Variants in EPB41L3 observed in about 807,000 individuals in gnomAD.
EPB41L3 encodes the protein band 4.1-like protein 3.
Under a neutral mutation model 127.1 loss-of-function variants are expected in EPB41L3, and 57 were observed. The ratio of observed to expected loss-of-function variants is 0.45; its 90% confidence interval spans 0.36 to 0.56. The LOEUF (loss-of-function observed/expected upper bound fraction) is 0.56, where lower values mean the gene tolerates loss of function less well. EPB41L3 is among the 20% of genes least tolerant of loss of function. EPB41L3 has a pLI of 0.00. For missense variants in EPB41L3, 1,273 were observed against 1,372.2 expected (o/e 0.93, Z 1.14); for synonymous variants, 572 against 549.5 (o/e 1.04, Z -0.57).
chr18:5,401,107 A>G, intron 16 of EPB41L3: 1 of 911,260 alleles, frequency 1.1e-6, no homozygotes, highest in Non-Finnish European at 1.7e-6. Context: ...AAGGCAAGTT[A>G]GGAAGGGAGT....
At chr18:5,550,382 C>T (rs946429988) in intron 3 of EPB41L3, among the ~76,000 whole-genome samples, 2 of 152,112 alleles carry the variant, frequency 1.3e-5, no homozygotes, top group Non-Finnish European at 2.9e-5. Context: ...TATCATTTAT[C>T]GTTTTAAATT....
At chr18:5,482,765 A>T (rs905139950) in intron 2 of EPB41L3, among the ~76,000 whole-genome samples, 1 of 152,172 alleles carries the variant, frequency 6.6e-6, no homozygotes, top group Non-Finnish European at 1.5e-5. Flanking sequence ...CAAAATTATC[A>T]TTCAAATATA....
intron 1 of EPB41L3, among the ~76,000 whole-genome samples, chr18:5,511,391 GTTTTTTTTTTTT>G (rs1190047630): frequency 8.7e-4 from 52 of 59,798 alleles, no homozygotes; most frequent in Admixed American, 2.1e-3. Context: ...AGGTATTTTG[GTTTTTTTTTTTT>G]TTTTTTTTTT....
At chr18:5,603,795 G>A (rs2094616034) in intron 3 of EPB41L3, among the ~76,000 whole-genome samples, 1 of 152,062 alleles carries the variant, frequency 6.6e-6, no homozygotes, top group Admixed American at 6.6e-5. Context: ...GTGGGAGGCT[G>A]AGGCTGCAGT....
chr18:5,556,105 T>C (rs1225494654), intron 3 of EPB41L3, among the ~76,000 whole-genome samples: 2 of 152,180 alleles, frequency 1.3e-5, no homozygotes, highest in Admixed American at 1.3e-4. Flanking sequence ...GCCTGGCATG[T>C]AAGAGACGCT....
At chr18:5,586,217 T>A in intron 3 of EPB41L3, among the ~76,000 whole-genome samples, 1 of 152,150 alleles carries the variant, frequency 6.6e-6, no homozygotes, top group East Asian at 1.9e-4. Context: ...CTTCAATAAT[T>A]CAGTTACAGC....
At chr18:5,419,362 C>T (rs1265976702) in intron 12 of EPB41L3, among the ~76,000 whole-genome samples, 1 of 151,974 alleles carries the variant, frequency 6.6e-6, no homozygotes, top group Non-Finnish European at 1.5e-5. Flanking sequence ...GAGAATGGGG[C>T]CAGAAACAAA....
rs2093818413 is a variant in EPB41L3, at chr18:5,543,746, G to A, written c.-12+167C>T. Among the ~76,000 whole-genome samples, 1 of 148,140 alleles carries A rather than the reference G, an allele frequency of 6.8e-6. No individual in the cohort carries two copies. The highest frequency in any genetic ancestry group is 2.5e-5 in the African/African-American group (1 of 40,604). ...GAGCGGGAGGGCGGTTGGGGACCCCGGCCGCGCCGGGCGCGGGGCTCGGGA... is the reference window on the plus strand; with the variant it reads ...GAGCGGGAGGGCGGTTGGGGACCCCAGCCGCGCCGGGCGCGGGGCTCGGGA... On this transcript the variant is annotated intron_variant, in intron 1 of 22. Coordinates refer to ENST00000341928, the MANE Select transcript of EPB41L3 (RefSeq NM_012307.5). The surrounding 1 kb of genome is among the most constrained non-coding windows in gnomAD (Gnocchi z 5.2).
chr18:5,409,157 T>C (rs1014324194), intron 14 of EPB41L3, among the ~76,000 whole-genome samples: 6 of 152,212 alleles, frequency 3.9e-5, no homozygotes, highest in Admixed American at 1.3e-4. Context: ...ACAGTGCTAA[T>C]GTGCTGGTGA....
chr18:5,614,574 C>T (rs1325736808), intron 1 of EPB41L3, among the ~76,000 whole-genome samples: 1 of 152,054 alleles, frequency 6.6e-6, no homozygotes, highest in African/African-American at 2.4e-5. Context: ...TTTAGAAATC[C>T]TCTTTGTGCT....
At chr18:5,571,801 G>A (rs2094284165) in intron 3 of EPB41L3, among the ~76,000 whole-genome samples, 1 of 151,168 alleles carries the variant, frequency 6.6e-6, no homozygotes, top group Admixed American at 6.6e-5. Context: ...AAATATGTTG[G>A]CAACACTGCA....
At chr18:5,490,954 C>G (rs754220055) in intron 1 of EPB41L3, among the ~76,000 whole-genome samples, 1 of 152,222 alleles carries the variant, frequency 6.6e-6, no homozygotes, top group Non-Finnish European at 1.5e-5. Context: ...CACTACCCCC[C>G]ATCTCAAGGA....
intron 18 of EPB41L3, among the ~76,000 whole-genome samples, chr18:5,396,624 C>T (rs2073540052): frequency 6.6e-6 from 1 of 152,002 alleles, no homozygotes; most frequent in African/African-American, 2.4e-5. Context: ...ACATTAACTC[C>T]CCAAATACTT....
At chr18:5,590,408 C>T (rs963829399) in intron 3 of EPB41L3, among the ~76,000 whole-genome samples, 6 of 152,076 alleles carry the variant, frequency 3.9e-5, no homozygotes, top group Non-Finnish European at 8.8e-5. Flanking sequence ...CAAGCAGTGG[C>T]GAGGATGCAG....
At chr18:5,406,997 G>A (rs922282070) in intron 15 of EPB41L3, 29 bp from the exon 16 acceptor site, 1 of 1,587,532 alleles carries the variant, frequency 6.3e-7, no homozygotes, top group Non-Finnish European at 8.6e-7. Flanking sequence ...GTATCCAACA[G>A]TCAATGTTTT....
At position 5,586,734 on chromosome 18, in the gene EPB41L3, A is replaced by G. The variant is rs75963861; in HGVS notation, c.-306+25606T>C. Among the ~76,000 whole-genome samples the G allele has an allele frequency of 1.7e-4, 26 of 152,202 alleles. 1 individual carries two copies. The East Asian group carries it at 5.0e-3, about 29-fold the overall frequency. On this transcript the variant is annotated intron_variant, in intron 3 of 21. Transcript: ENST00000545076. The stretch of plus-strand genomic sequence containing the variant: ...TGATTTTCTGTGTGTGGTATTATTT[A>G]AGATAAATAGGAGTTCATGTATTGT...
At chr18:5,467,837 G>T (rs886388851) in intron 3 of EPB41L3, among the ~76,000 whole-genome samples, 1 of 152,192 alleles carries the variant, frequency 6.6e-6, no homozygotes, top group Non-Finnish European at 1.5e-5. Context: ...CTGTAGCAGG[G>T]GAGGCGCGGC....
chr18:5,540,616 C>A, intron 1 of EPB41L3: 2 of 925,256 alleles, frequency 2.2e-6, no homozygotes, highest in Non-Finnish European at 1.3e-6. Context: ...AGCTAGCTAG[C>A]CGTTTGAAAG....
At chr18:5,421,067 G>A (rs2077411483) in intron 11 of EPB41L3, among the ~76,000 whole-genome samples, 1 of 152,176 alleles carries the variant, frequency 6.6e-6, no homozygotes, top group Admixed American at 6.5e-5. Flanking sequence ...GTGCCACCCA[G>A]CTCAACAGCA....
Sources: gnomAD v4.1 joint callset for allele counts (sites outside exome capture counted in the v4.1 genomes callset) on GRCh38, gnomAD v4.1.1 for gene constraint, Gnocchi (gnomAD v3.1) non-coding constraint, MANE v1.5 for transcripts, NCBI Gene and HGNC (gene_info 2026-07-23, HGNC 2026-07-21) for gene names.